The following TG variants were observed in gnomAD, a reference collection of about 807,000 sequenced individuals.
TG encodes thyroid hormones.
In TG, 270 loss-of-function variants were observed where a neutral mutation model predicts 324.7. That is an observed-to-expected ratio of 0.83 (90% CI 0.75 to 0.92). TG has a LOEUF of 0.92. Ranked by LOEUF, TG falls within the 40% of genes least tolerant of loss-of-function variation. TG has a pLI of 0.00. For synonymous variants in TG, 1,401 were observed against 1,327.0 expected (o/e 1.06, Z -1.21); for missense variants, 3,591 against 3,456.4 (o/e 1.04, Z -0.98).
chr8:133,031,083 C>T lies in TG; in HGVS notation c.7239+1060C>T, dbSNP rs150269088. 9.2e-5 allele frequency among the ~76,000 whole-genome samples: 14 copies of T among 152,322 alleles called. No individual in the cohort carries two copies. The East Asian group carries it at 1.7e-3, about 19-fold the overall frequency. On this transcript the variant is annotated intron_variant, in intron 41 of 47. Coordinates refer to ENST00000220616, the MANE Select transcript of TG (RefSeq NM_003235.5). Reference sequence around the variant, plus strand: ...TTGTGCAACCATTACTACTATCCGTCGCCAGAACAGAACCTCTGTATCCTT... The same window carrying T: ...TTGTGCAACCATTACTACTATCCGTTGCCAGAACAGAACCTCTGTATCCTT...
intron 46 of TG, 76 bp downstream of exon 46, chr8:133,132,022 C>A: frequency 6.3e-7 from 1 of 1,590,828 alleles, no homozygotes; most frequent in Non-Finnish European, 8.6e-7. Context: ...ACGCAAAGGC[C>A]CAATTTGCAT....
intron 43 of TG, among the ~76,000 whole-genome samples, chr8:133,104,622 C>T (rs974260339): frequency 4.6e-5 from 7 of 152,124 alleles, no homozygotes; most frequent in Non-Finnish European, 5.9e-5. Flanking sequence ...GAAAAGAAAG[C>T]ATTTCCAAAA....
At chr8:133,000,514 G>A (rs766274307) in intron 35 of TG, among the ~76,000 whole-genome samples, 5 of 152,216 alleles carry the variant, frequency 3.3e-5, no homozygotes, top group Non-Finnish European at 7.3e-5. Context: ...AGGCAGAGCT[G>A]GCATCTGGCC....
chr8:133,070,538 G>C (rs2702993), intron 41 of TG, among the ~76,000 whole-genome samples: 1 of 152,046 alleles, frequency 6.6e-6, no homozygotes, highest in East Asian at 1.9e-4. Context: ...GCTCAGGGTC[G>C]TACAGCTAGC....
Position 132,900,219 on chromosome 8 carries a change from A to G in TG, c.3331-18A>G. 6.2e-7 allele frequency: 1 copy of G among 1,611,454 alleles called. No homozygotes were observed. The highest frequency in any genetic ancestry group is 8.5e-7 in the Non-Finnish European group (1 of 1,178,540). On this transcript the variant is annotated intron_variant, in intron 14 of 47. Transcript: ENST00000220616. ...CATCTTGCCCACAGTGACTGACATG[A>G]CCCCGGCTTTGTCTCAGACAGGAGA... is the stretch of plus-strand genomic sequence containing the variant.
At position 132,917,863 on chromosome 8, in the gene TG, G is replaced by T. The variant is rs919828250; in HGVS notation, c.4379-1513G>T. ...ATAACTGTCTTATTTTATTAGGCTG[G>T]TGCAAAAGTAATTACGGTTTTTGCA... On this transcript the variant is annotated intron_variant, in intron 20 of 47. Transcript: ENST00000220616. Among the ~76,000 whole-genome samples the T allele has an allele frequency of 8.0e-5, 12 of 149,336 alleles. No individual in the cohort carries two copies. The South Asian group carries it at 1.7e-3, about 22-fold the overall frequency.
At chr8:132,919,550 G>A in intron 21 of TG, 25 bp downstream of exon 21, 12 of 1,612,928 alleles carry the variant, frequency 7.4e-6, no homozygotes, top group Non-Finnish European at 1.0e-5. Flanking sequence ...GTGCTTCTTT[G>A]AAAGAAAAGC....
intron 4 of TG, among the ~76,000 whole-genome samples, chr8:132,872,663 C>G: frequency 6.6e-6 from 1 of 152,202 alleles, no homozygotes; most frequent in East Asian, 1.9e-4. Context: ...ACTGCCAGTC[C>G]TGCAAGCTCC....
At chr8:132,957,976 A>G (rs965249286) in intron 27 of TG, among the ~76,000 whole-genome samples, 10 of 152,204 alleles carry the variant, frequency 6.6e-5, no homozygotes, top group African/African-American at 1.9e-4. Flanking sequence ...AGTCCATTGT[A>G]TTATTCTTAT....
At chr8:133,006,925 G>A (rs1834062603) in intron 35 of TG, among the ~76,000 whole-genome samples, 2 of 152,208 alleles carry the variant, frequency 1.3e-5, no homozygotes. Context: ...GCCATAATAT[G>A]TAGTCAGTTG....
intron 37 of TG, among the ~76,000 whole-genome samples, chr8:133,014,216 T>C (rs1267962014): frequency 6.6e-6 from 1 of 152,196 alleles, no homozygotes; most frequent in African/African-American, 2.4e-5. Flanking sequence ...TGGAGCCAGA[T>C]CACCTATCTC....
intron 23 of TG, among the ~76,000 whole-genome samples, chr8:132,930,549 G>T (rs1164632832): frequency 6.6e-6 from 1 of 152,130 alleles, no homozygotes; most frequent in Non-Finnish European, 1.5e-5. Flanking sequence ...AGGCATGTTG[G>T]TGGGTGCCTG....
At chr8:132,980,385 G>C (rs981105090) in intron 34 of TG, among the ~76,000 whole-genome samples, 4 of 152,174 alleles carry the variant, frequency 2.6e-5, no homozygotes, top group African/African-American at 7.2e-5. Flanking sequence ...AACCAGGTTT[G>C]GAGAGCTTCT....
chr8:133,018,001 T>A lies in TG; in HGVS notation c.6782+4T>A. The A allele has an allele frequency of 6.2e-7, 1 of 1,613,850 alleles. No individual in the cohort carries two copies. The highest frequency in any genetic ancestry group is 1.7e-5 in the Admixed American group (1 of 60,000). ...CCTGGGATGCCAGCAAGCCAAGGTA[T>A]GGGTTGAGTGGAGCACATCTTGGTA... On this transcript the variant is annotated splice_donor_region_variant and intron_variant, in intron 38 of 47. Transcript: ENST00000220616.
Position 132,871,465 on chromosome 8 carries a change from G to A in TG, c.392G>A (p.Cys131Tyr), listed in dbSNP as rs1247322799. 1.9e-6 allele frequency: 3 copies of A among 1,614,104 alleles called. No individual in the cohort carries two copies. The highest frequency in any genetic ancestry group is 2.5e-6 in the Non-Finnish European group (3 of 1,180,042). ...TCAGGGGACTACGCGCCTGTTCAGT[G>A]TGATGTGCAGCAGGTCCAGTGCTGG... Reference protein sequence around the residue: ...QDSGDYAPVQCDVQQVQCWCV... With the variant: ...QDSGDYAPVQYDVQQVQCWCV... The change falls in exon 4 of 48, where the codon TGT (cysteine) becomes TAT (tyrosine). Residue 131 changes from cysteine (C) to tyrosine (Y), a missense_variant. Coordinates refer to ENST00000220616, the MANE Select transcript of TG (RefSeq NM_003235.5).
At chr8:133,091,718 G>A (rs546980297) in intron 41 of TG, among the ~76,000 whole-genome samples, 1 of 152,104 alleles carries the variant, frequency 6.6e-6, no homozygotes, top group African/African-American at 2.4e-5. Flanking sequence ...GCACTTATGT[G>A]AGTGTGTGTC....
At chr8:132,898,410 C>A (rs148797697) in intron 13 of TG, among the ~76,000 whole-genome samples, 164 bp downstream of exon 13, 16 of 152,212 alleles carry the variant, frequency 1.1e-4, no homozygotes, top group African/African-American at 3.9e-4. Context: ...TGCAAGCTTG[C>A]GCTGACCTTG....
chr8:132,980,759 G>A lies in TG; in HGVS notation c.6200-2591G>A, dbSNP rs770371762. On this transcript the variant is annotated intron_variant, in intron 34 of 47. Coordinates refer to ENST00000220616, the MANE Select transcript of TG (RefSeq NM_003235.5). ...GATTGAATTGAATCACTGGTCCAGA[G>A]GGTTGAAGAATTGGTTGGTGTGGGG... is the stretch of plus-strand genomic sequence containing the variant. Among the ~76,000 whole-genome samples the A allele has an allele frequency of 2.6e-5, 4 of 152,156 alleles. No individual in the cohort carries two copies. In the South Asian group the frequency reaches 6.2e-4, roughly 24 times the overall value.
intron 44 of TG, among the ~76,000 whole-genome samples, chr8:133,114,877 T>C (rs1850552583): frequency 6.6e-6 from 1 of 152,188 alleles, no homozygotes; most frequent in African/African-American, 2.4e-5. Flanking sequence ...GGTTTCCAAC[T>C]GGAGGGTCAC....
Sources: gnomAD v4.1 joint callset for allele counts (sites outside exome capture counted in the v4.1 genomes callset) on GRCh38, gnomAD v4.1.1 for gene constraint, MANE v1.5 for transcripts, NCBI Gene and HGNC (gene_info 2026-07-23, HGNC 2026-07-21) for gene names.